The following TAF2 variants were observed in gnomAD, a reference collection of about 807,000 sequenced individuals.
TAF2 encodes the protein transcription initiation factor TFIID subunit 2.
In TAF2, 61 loss-of-function variants were observed where a neutral mutation model predicts 138.5. The observed-to-expected ratio is 0.44, with a 90% CI of 0.36 to 0.54. TAF2 has a LOEUF of 0.54. Among genes scored for constraint, TAF2 ranks in the 20% least tolerant of loss-of-function variants. The pLI, the probability that TAF2 is intolerant of heterozygous loss-of-function variation, is 0.00. For synonymous variants in TAF2, 475 were observed against 469.9 expected (o/e 1.01, Z -0.14); for missense variants, 1,090 against 1,427.9 (o/e 0.76, Z 3.81).
At chr8:119,733,200 A>C (rs1433949) in intron 25 of TAF2, among the ~76,000 whole-genome samples, 1 of 152,040 alleles carries the variant, frequency 6.6e-6, no homozygotes, top group African/African-American at 2.4e-5. Context: ...TAAACATGCT[A>C]TTCTAGCTAC....
At chr8:119,764,154 T>A (rs184605752) in intron 18 of TAF2, among the ~76,000 whole-genome samples, 2,483 of 151,924 alleles carry the variant, frequency 0.016, 21 homozygotes, top group Non-Finnish European at 0.024. Context: ...TCAAAAAAAA[T>A]AAAATAAAAT....
chr8:119,798,191 T>C (rs538539036), intron 6 of TAF2, among the ~76,000 whole-genome samples: 8 of 152,202 alleles, frequency 5.3e-5, no homozygotes, highest in Non-Finnish European at 1.2e-4. Flanking sequence ...CTCTTATTCA[T>C]AAATATTTAA....
At chr8:119,819,018 C>T (rs911228324) in intron 3 of TAF2, among the ~76,000 whole-genome samples, 1 of 151,984 alleles carries the variant, frequency 6.6e-6, no homozygotes, top group East Asian at 1.9e-4. Flanking sequence ...GACCATCTAA[C>T]CCACTGAAAA....
chr8:119,830,470 TAATTCCCTTATCTTTCCTACCC>T (rs1338586795), intron 2 of TAF2, among the ~76,000 whole-genome samples: 1 of 152,334 alleles, frequency 6.6e-6, no homozygotes, highest in East Asian at 1.9e-4. Flanking sequence ...CTAGACTCCC[TAATTCCCTTATCTTTCCTACCC>T]AATTCATACA....
intron 2 of TAF2, among the ~76,000 whole-genome samples, chr8:119,824,428 CAAAA>C (rs71304910): frequency 3.2e-5 from 4 of 125,626 alleles, no homozygotes; most frequent in Non-Finnish European, 3.4e-5. Context: ...GACTCCGTCT[CAAAA>C]AAAAAAAAAA....
intron 17 of TAF2, among the ~76,000 whole-genome samples, chr8:119,779,357 T>A (rs1822483026): frequency 6.7e-6 from 1 of 150,158 alleles, no homozygotes; most frequent in Admixed American, 6.7e-5. Context: ...CTGTTTTATT[T>A]AAAAAAAAAA....
chr8:119,800,506 T>C (rs1824180749), intron 6 of TAF2, among the ~76,000 whole-genome samples: 1 of 152,208 alleles, frequency 6.6e-6, no homozygotes, highest in South Asian at 2.1e-4. Context: ...GGTCTATATC[T>C]CTGTTTTGGT....
Position 119,801,704 on chromosome 8 carries a change from A to G in TAF2, c.792+90T>C. On this transcript the variant is annotated intron_variant, in intron 6 of 25. Coordinates refer to ENST00000378164, the MANE Select transcript of TAF2 (RefSeq NM_003184.4). ...TGGCCTCCCAAAGTGCTGGGATTAC[A>G]GGCATGAGCCACCGTGCCTTGCCAA... 4.7e-6 allele frequency: 6 copies of G among 1,280,672 alleles called. No individual in the cohort carries two copies. In the Admixed American group the frequency reaches 7.0e-5, roughly 15 times the overall value. The allele number at this position is 1,280,672 out of a possible 1,614,324, so 79.3% of individuals were successfully genotyped here.
At chr8:119,768,662 T>C (rs150716043) in intron 18 of TAF2, among the ~76,000 whole-genome samples, 1 of 152,310 alleles carries the variant, frequency 6.6e-6, no homozygotes, top group Non-Finnish European at 1.5e-5. Flanking sequence ...TCTGTAAATG[T>C]CTATTAGGTC....
intron 10 of TAF2, among the ~76,000 whole-genome samples, chr8:119,792,492 G>T (rs1823510035): frequency 6.6e-6 from 1 of 152,002 alleles, no homozygotes; most frequent in Admixed American, 6.6e-5. Flanking sequence ...AGAATTGCTG[G>T]ATCTAAAAAT....
chr8:119,760,834 T>A, intron 19 of TAF2, 96 bp from the exon 20 acceptor site: 1 of 1,512,426 alleles, frequency 6.6e-7, no homozygotes, highest in Non-Finnish European at 9.1e-7. Context: ...GCAATCAATT[T>A]AAAAACTGAT....
intron 3 of TAF2, among the ~76,000 whole-genome samples, chr8:119,810,689 T>C (rs946238268): frequency 5.9e-5 from 9 of 152,350 alleles, no homozygotes; most frequent in South Asian, 2.1e-4. Context: ...ATTTTATCTA[T>C]AGAGTATAAT....
intron 18 of TAF2, among the ~76,000 whole-genome samples, chr8:119,776,516 A>G (rs1161294182): frequency 1.4e-5 from 2 of 141,330 alleles, no homozygotes; most frequent in Non-Finnish European, 3.0e-5. Flanking sequence ...CCCCGTCTCT[A>G]CTAAAAATAC....
At chr8:119,747,689 G>C (rs1221576145) in intron 22 of TAF2, among the ~76,000 whole-genome samples, 2 of 152,174 alleles carry the variant, frequency 1.3e-5, no homozygotes, top group African/African-American at 4.8e-5. Flanking sequence ...AGTAGATATT[G>C]TCATCAAATA....
intron 3 of TAF2, among the ~76,000 whole-genome samples, chr8:119,814,909 TA>T (rs1165534037): frequency 5.4e-4 from 71 of 131,510 alleles, no homozygotes; most frequent in Admixed American, 6.2e-4. Flanking sequence ...ACTCTGTCTT[TA>T]AAAAAAAAAA....
intron 2 of TAF2, among the ~76,000 whole-genome samples, chr8:119,825,979 A>C (rs1586552908): frequency 6.6e-6 from 1 of 151,626 alleles, no homozygotes; most frequent in African/African-American, 2.4e-5. Context: ...GGCGTGAGCC[A>C]CCGTGCCTGG....
chr8:119,816,049 T>C (rs1216263821), intron 3 of TAF2, among the ~76,000 whole-genome samples: 2 of 148,456 alleles, frequency 1.3e-5, no homozygotes, highest in East Asian at 1.9e-4. Context: ...GCACACTCTT[T>C]CTTTTTTTTT....
At chr8:119,740,679 A>AAG (rs1554637120) in intron 25 of TAF2, among the ~76,000 whole-genome samples, 12 of 63,882 alleles carry the variant, frequency 1.9e-4, no homozygotes, top group South Asian at 4.4e-4. Context: ...AAAAAAAAAA[A>AAG]GAAAAGAAAA....
intron 25 of TAF2, 31 bp from the exon 26 acceptor site, chr8:119,732,217 C>G: frequency 6.2e-7 from 1 of 1,602,646 alleles, no homozygotes; most frequent in Non-Finnish European, 8.5e-7. Context: ...AAATGAATTC[C>G]TGCTGATGAT....
Sources: allele counts gnomAD v4.1 joint callset (sites outside exome capture counted in the v4.1 genomes callset), GRCh38; gene constraint gnomAD v4.1.1; transcripts MANE v1.5; gene names NCBI Gene and HGNC (gene_info 2026-07-23, HGNC 2026-07-21).